COL7A1: variants seen among roughly 807,000 people sequenced by gnomAD.
COL7A1 encodes the protein collagen alpha-1(VII) chain.
COL7A1 carries 296 observed loss-of-function variants against 456.2 expected under a neutral mutation model. The observed-to-expected ratio is 0.65, with a 90% confidence interval of 0.59 to 0.71. The LOEUF (loss-of-function observed/expected upper bound fraction) is 0.71. Ranked by LOEUF, COL7A1 falls within the 30% of genes least tolerant of loss-of-function variation. The probability of loss-of-function intolerance (pLI) is 0.00; values close to 1 mark genes in which losing one functional copy is unlikely to be tolerated. For synonymous variants in COL7A1, 1,464 were observed against 1,525.9 expected, an observed-to-expected ratio of 0.96 and a Z score of 0.95; for missense variants, 3,441 against 4,017.2, an observed-to-expected ratio of 0.86 and a Z score of 3.88.
At position 48,583,095 on chromosome 3, in the gene COL7A1, A is replaced by G; in HGVS notation, c.4482+32T>C. 1 of 1,613,900 alleles carries G rather than the reference A, an allele frequency of 6.2e-7. No individual in the cohort carries two copies. The highest frequency in any genetic ancestry group is 8.5e-7 in the Non-Finnish European group (1 of 1,179,892). On this transcript the variant is annotated intron_variant, in intron 43 of 118. Transcript: ENST00000681320. This position sits in a 1 kb window ranked among gnomAD's most constrained non-coding sequence, Gnocchi z 5.1. Reference sequence around the variant, plus strand: ...GAGCTGAGTTGGGCCCAGATCCTCCAGGGCCCTTGGCACCCCCCAGGTTGC... The same window carrying G: ...GAGCTGAGTTGGGCCCAGATCCTCCGGGGCCCTTGGCACCCCCCAGGTTGC...
Position 48,580,212 on chromosome 3 carries a change from C to T in COL7A1, c.5097+88G>A. 6.4e-7 allele frequency: 1 copy of T among 1,557,218 alleles called. No homozygotes were observed. The highest frequency in any genetic ancestry group is 8.8e-7 in the Non-Finnish European group (1 of 1,140,980). On this transcript the variant is annotated intron_variant, in intron 56 of 118. Transcript: ENST00000681320. This position sits in a 1 kb window ranked among gnomAD's most constrained non-coding sequence, Gnocchi z 4.5. ...TGGCCATCCATGCTTCCCACCTGGA[C>T]CTCCAGACCCCTTGTGTGAAGGCAC...
rs377224756 is a variant in COL7A1 at position 48,572,475 on chromosome 3, C to G, written c.6936+28G>C. On this transcript the variant is annotated intron_variant, in intron 89 of 118. Transcript: ENST00000681320. This position sits in a 1 kb window ranked among gnomAD's most constrained non-coding sequence, Gnocchi z 4.6. ...CCTTGGCCCCCACCAGTTGACCCCC[C>G]CTCACTGGCAGCCCCACACACACTC... 52 of 1,613,786 alleles carry G rather than the reference C, an allele frequency of 3.2e-5. No homozygotes were observed. Among genetic ancestry groups the G allele is most frequent in the Middle Eastern group, 1.6e-4 (1 of 6,082 alleles).
At position 48,573,689 on chromosome 3, in the gene COL7A1, C is replaced by G. The variant is rs1575434262; in HGVS notation, c.6573+1G>C. The G allele has an allele frequency of 4.3e-6, 7 of 1,612,980 alleles. No individual in the cohort carries two copies. In the East Asian group the frequency reaches 1.6e-4, roughly 36 times the overall value. On this transcript the variant is annotated splice_donor_variant, in intron 82 of 118. Coordinates refer to ENST00000681320, the MANE Select transcript of COL7A1 (RefSeq NM_000094.4). LOFTEE classifies it high-confidence loss of function. The surrounding 1 kb of genome is among the most constrained non-coding windows in gnomAD (Gnocchi z 5.5). Reference sequence around the variant, plus strand: ...CCAGGCAGTGTTCCCTGGTCACTCACCGGGGCACCAGGTGGTCCAGGGTCT... The same window carrying G: ...CCAGGCAGTGTTCCCTGGTCACTCAGCGGGGCACCAGGTGGTCCAGGGTCT...
At position 48,587,611 on chromosome 3, in the gene COL7A1, G is replaced by T; in HGVS notation, c.2858-57C>A. On this transcript the variant is annotated intron_variant, in intron 22 of 118. Coordinates refer to ENST00000681320, the MANE Select transcript of COL7A1 (RefSeq NM_000094.4). The surrounding 1 kb of genome is among the most constrained non-coding windows in gnomAD (Gnocchi z 6.1). ...GGCTGAGTCCTGAGAACCCAGAAGG[G>T]AGAGATCTGAGATCCTGGGTCCGGT... is the stretch of plus-strand genomic sequence containing the variant. The T allele has an allele frequency of 6.2e-7, 1 of 1,611,534 alleles. No homozygotes were observed.
chr3:48,583,990 A>T lies in COL7A1; in HGVS notation c.4225-37T>A, dbSNP rs1234532231. 5 of 1,613,922 alleles carry T rather than the reference A, an allele frequency of 3.1e-6. No individual in the cohort carries two copies. The highest frequency in any genetic ancestry group is 3.4e-6 in the Non-Finnish European group (4 of 1,179,968). On this transcript the variant is annotated intron_variant, in intron 38 of 118. Transcript: ENST00000681320. The surrounding 1 kb of genome is among the most constrained non-coding windows in gnomAD (Gnocchi z 5.1). ...CAGCAGGTCAGGGAATGAACAGGGG[A>T]ATCAGACTCCAAGCCACCCCTAGCA...
chr3:48,568,034 C>T lies in COL7A1; in HGVS notation c.7875+56G>A, dbSNP rs1401233531. On this transcript the variant is annotated intron_variant, in intron 106 of 118. Transcript: ENST00000681320. The surrounding 1 kb of genome is among the most constrained non-coding windows in gnomAD (Gnocchi z 5.2). ...CTAATATCTGACCCCAGGTCCCTCG[C>T]CCTTCAACATTAGGCCTTCCTGACC... 6.2e-7 allele frequency: 1 copy of T among 1,609,190 alleles called. No individual in the cohort carries two copies. Among genetic ancestry groups the T allele is most frequent in the African/African-American group, 1.3e-5 (1 of 74,832 alleles).
At position 48,590,400 on chromosome 3, in the gene COL7A1, T is replaced by TGGAAATG. The variant is rs1200439951; in HGVS notation, c.1907-45_1907-44insCATTTCC. 10 of 1,613,952 alleles carry TGGAAATG rather than the reference T, an allele frequency of 6.2e-6. No individual in the cohort carries two copies. In the African/African-American group the frequency reaches 1.1e-4, roughly 17 times the overall value. ...GCTGGCATGGCTCCTGCCTGTCCCC[T>TGGAAATG]CTGGCACCCATACCCTCATTGGTCC... On this transcript the variant is annotated intron_variant, in intron 15 of 118. Transcript: ENST00000681320. This position sits in a 1 kb window ranked among gnomAD's most constrained non-coding sequence, Gnocchi z 4.6.
chr3:48,580,121 C>T lies in COL7A1; in HGVS notation c.5098-64G>A, dbSNP rs373333026. 6.3e-7 allele frequency: 1 copy of T among 1,599,030 alleles called. No homozygotes were observed. The highest frequency in any genetic ancestry group is 8.6e-7 in the Non-Finnish European group (1 of 1,168,626). On this transcript the variant is annotated intron_variant, in intron 56 of 118. Transcript: ENST00000681320. The surrounding 1 kb of genome is among the most constrained non-coding windows in gnomAD (Gnocchi z 4.5). ...GGTCCCAGGCCATGGCTCTGGTTTG[C>T]CCCAGGCTCAACTCTGCCCCCAAGT... is the stretch of plus-strand genomic sequence containing the variant.
chr3:48,592,241 G>A lies in COL7A1; in HGVS notation c.1101C>T (p.Pro367=). The change falls in exon 10 of 119, where the codon CCC becomes CCT. Residue 367 remains proline, a synonymous_variant. Transcript: ENST00000681320. The surrounding 1 kb of genome is among the most constrained non-coding windows in gnomAD (Gnocchi z 7.6). ...CAGGGCCCAGCTCCTGCTGCTGTGT[G>A]GGCCCACCTGCATGGGGGACACCAA... is the stretch of plus-strand genomic sequence containing the variant. ...RVTWRVLSGG[P]TQQQELGPGQ... The A allele has an allele frequency of 1.2e-6, 2 of 1,613,710 alleles. No homozygotes were observed. The highest frequency in any genetic ancestry group is 1.7e-6 in the Non-Finnish European group (2 of 1,179,954).
At chr3:48,582,292 G>A (rs1217769441) in intron 47 of COL7A1, 31 bp downstream of exon 47, 16 of 1,613,862 alleles carry the variant, frequency 9.9e-6, no homozygotes, top group Non-Finnish European at 1.3e-5. Context: ...GGGCTGTGCT[G>A]TGCTCAGAGC....
At position 48,591,592 on chromosome 3, in the gene COL7A1, C is replaced by G; in HGVS notation, c.1508G>C (p.Gly503Ala). The change falls in exon 13 of 119, where the codon GGA (glycine) becomes GCA (alanine). Residue 503 changes from glycine (G) to alanine (A), a missense_variant and splice_region_variant. Physicochemically the swap from Gly to Ala is moderately conservative, Grantham distance 60. Coordinates refer to ENST00000681320, the MANE Select transcript of COL7A1 (RefSeq NM_000094.4). This position sits in a 1 kb window ranked among gnomAD's most constrained non-coding sequence, Gnocchi z 7.0. ...TACAGGGCTCACAGGCAGCTCTGGT[C>G]CTGTTGGAGAGCACAGCATAGAGGC... is the stretch of plus-strand genomic sequence containing the variant. ...VATPATVVPTGPELPVSPVTD... is the reference protein window; with the variant it reads ...VATPATVVPTAPELPVSPVTD... The G allele has an allele frequency of 1.9e-6, 3 of 1,613,644 alleles. No individual in the cohort carries two copies. Among genetic ancestry groups the G allele is most frequent in the Admixed American group, 1.7e-5 (1 of 60,024 alleles).
chr3:48,570,875 G>T lies in COL7A1; in HGVS notation c.7258C>A (p.Pro2420Thr). The T allele has an allele frequency of 6.2e-6, 10 of 1,612,408 alleles. No homozygotes were observed. The highest frequency in any genetic ancestry group is 8.5e-6 in the Non-Finnish European group (10 of 1,179,510). The change falls in exon 95 of 119, where the codon CCT becomes ACT. Residue 2420 changes from proline to threonine, a missense_variant. Around this residue, in one of 3 missense-constraint regions of COL7A1, gnomAD observed 2,084 missense variants for 2,501.3 expected, o/e 0.83. Transcript: ENST00000681320. This position sits in a 1 kb window ranked among gnomAD's most constrained non-coding sequence, Gnocchi z 5.5. Reference sequence around the variant, plus strand: ...CAGCCCCTCACCCGCTCTCCACTAGGGCCTGGCTGACCCATCTCTCCTCGA... The same window carrying T: ...CAGCCCCTCACCCGCTCTCCACTAGTGCCTGGCTGACCCATCTCTCCTCGA... ...GPRGEMGQPGPSGERGLAGPP... is the reference protein window; with the variant it reads ...GPRGEMGQPGTSGERGLAGPP...
chr3:48,578,889 C>T lies in COL7A1; in HGVS notation c.5424+30G>A, dbSNP rs756268809. 44 of 1,609,854 alleles carry T rather than the reference C, an allele frequency of 2.7e-5. No homozygotes were observed. The highest frequency in any genetic ancestry group is 3.7e-5 in the Non-Finnish European group (44 of 1,177,460). On this transcript the variant is annotated intron_variant, in intron 63 of 118. Transcript: ENST00000681320. This position sits in a 1 kb window ranked among gnomAD's most constrained non-coding sequence, Gnocchi z 4.7. The stretch of plus-strand genomic sequence containing the variant: ...GTTGGAGCTTACGCAGCCCCGAGCC[C>T]CCTCTGTCCCAGCATCTCCCCTCAC...
At position 48,578,649 on chromosome 3, in the gene COL7A1, C is replaced by A. The variant is rs2044496600; in HGVS notation, c.5425-134G>T. On this transcript the variant is annotated intron_variant, in intron 63 of 118. Transcript: ENST00000681320. This position sits in a 1 kb window ranked among gnomAD's most constrained non-coding sequence, Gnocchi z 4.7. ...CAGGACTGAGAGGTCCCATTGAGATCCCTCAGGCACAGACCCCATGGATGG... is the reference window on the plus strand; with the variant it reads ...CAGGACTGAGAGGTCCCATTGAGATACCTCAGGCACAGACCCCATGGATGG... 9 of 1,085,244 alleles carry A rather than the reference C, an allele frequency of 8.3e-6. No homozygotes were observed. The highest frequency in any genetic ancestry group is 2.1e-5 in the Admixed American group (1 of 47,112). 67.2% of individuals were successfully genotyped at this position (1,085,244 alleles called of 1,614,324 possible).
Position 48,572,466 on chromosome 3 carries a change from T to A in COL7A1, c.6936+37A>T, listed in dbSNP as rs1244811269. The A allele has an allele frequency of 1.2e-6, 2 of 1,613,042 alleles. No individual in the cohort carries two copies. Among genetic ancestry groups the A allele is most frequent in the Admixed American group, 3.3e-5 (2 of 59,962 alleles). ...AGTGGGATTCCTTGGCCCCCACCAG[T>A]TGACCCCCCCTCACTGGCAGCCCCA... is the stretch of plus-strand genomic sequence containing the variant. On this transcript the variant is annotated intron_variant, in intron 89 of 118. Transcript: ENST00000681320. The surrounding 1 kb of genome is among the most constrained non-coding windows in gnomAD (Gnocchi z 4.6).
rs1362094926 is a variant in COL7A1, at chr3:48,566,465, C to G, written c.8358+45G>C. The G allele has an allele frequency of 1.2e-6, 2 of 1,610,868 alleles. No homozygotes were observed. The highest frequency in any genetic ancestry group is 1.7e-6 in the Non-Finnish European group (2 of 1,178,578). On this transcript the variant is annotated intron_variant, in intron 113 of 118. Transcript: ENST00000681320. This position sits in a 1 kb window ranked among gnomAD's most constrained non-coding sequence, Gnocchi z 5.9. ...GAGGGAGGTAGGGCCCCAGCCCACC[C>G]AGGCCCACCCAGGCCCTCCCAGGCC...
Position 48,588,641 on chromosome 3 carries a change from C to G in COL7A1, c.2587+1G>C, listed in dbSNP as rs1294265690. 2 of 1,613,864 alleles carry G rather than the reference C, an allele frequency of 1.2e-6. No individual in the cohort carries two copies. The highest frequency in any genetic ancestry group is 1.7e-6 in the Non-Finnish European group (2 of 1,180,050). ...AGCTCTCCAGCGCATGCTCTGCCTA[C>G]GCGTAGTGACAACAATGGAGACAGG... On this transcript the variant is annotated splice_donor_variant, in intron 20 of 118. Coordinates refer to ENST00000681320, the MANE Select transcript of COL7A1 (RefSeq NM_000094.4). LOFTEE classifies it high-confidence loss of function. The surrounding 1 kb of genome is among the most constrained non-coding windows in gnomAD (Gnocchi z 4.6).
rs1342327693 is a variant in COL7A1 at position 48,579,320 on chromosome 3, G to A, written c.5308-43C>T. 2 of 1,614,104 alleles carry A rather than the reference G, an allele frequency of 1.2e-6. No individual in the cohort carries two copies. Among genetic ancestry groups the A allele is most frequent in the Non-Finnish European group, 1.7e-6 (2 of 1,179,998 alleles). ...GTAAGAGGCCACCAAGGCTGAGGTG[G>A]ATCTGATAACCCAGGCTCATGTCCT... On this transcript the variant is annotated intron_variant, in intron 61 of 118. Coordinates refer to ENST00000681320, the MANE Select transcript of COL7A1 (RefSeq NM_000094.4). The surrounding 1 kb of genome is among the most constrained non-coding windows in gnomAD (Gnocchi z 4.4).
Position 48,588,214 on chromosome 3 carries a change from T to G in COL7A1, c.2710+68A>C. The G allele has an allele frequency of 1.2e-6, 2 of 1,610,932 alleles. No homozygotes were observed. Among genetic ancestry groups the G allele is most frequent in the South Asian group, 2.2e-5 (2 of 90,976 alleles). On this transcript the variant is annotated intron_variant, in intron 21 of 118. Coordinates refer to ENST00000681320, the MANE Select transcript of COL7A1 (RefSeq NM_000094.4). The surrounding 1 kb of genome is among the most constrained non-coding windows in gnomAD (Gnocchi z 4.6). ...CCCGCCCACCATCACTGTCCTCGCC[T>G]ACCTTGCGGAGTCTGCCACAGCCCT...
Sources: gnomAD v4.1 joint callset for allele counts on GRCh38, gnomAD v4.1.1 for gene constraint, gnomAD v4.1.1 regional missense constraint, Gnocchi (gnomAD v3.1) non-coding constraint, MANE v1.5 for transcripts, NCBI Gene and HGNC (gene_info 2026-07-23, HGNC 2026-07-21) for gene names.